DCDC1: variants seen among roughly 807,000 people sequenced by gnomAD.
DCDC1 encodes the protein doublecortin domain-containing protein 1.
A neutral mutation model predicts 178.3 loss-of-function variants in DCDC1; 200 were observed. That is an observed-to-expected ratio of 1.12 (90% CI 1.00 to 1.26). The LOEUF (loss-of-function observed/expected upper bound fraction) is 1.26. Among genes scored for constraint, DCDC1 ranks in the 50% most tolerant of loss-of-function variants. DCDC1 has a pLI of 0.00. For synonymous variants in DCDC1, 690 were observed against 604.8 expected, an observed-to-expected ratio of 1.14 and a Z score of -2.07; for missense variants, 1,983 against 1,749.2, an observed-to-expected ratio of 1.13 and a Z score of -2.38.
At chr11:30,877,871 G>A (rs1482252448) in intron 38 of DCDC1, among the ~76,000 whole-genome samples, 1 of 152,118 alleles carries the variant, frequency 6.6e-6, no homozygotes, top group East Asian at 1.9e-4. Context: ...CTAGTGGTCA[G>A]AGTCTTTTTG....
intron 9 of DCDC1, among the ~76,000 whole-genome samples, chr11:31,204,736 C>T (rs781227065): frequency 6.6e-6 from 1 of 152,246 alleles, no homozygotes; most frequent in Middle Eastern, 3.4e-3. Flanking sequence ...GCAGGAGAAT[C>T]GCTTGAACTC....
At chr11:31,094,474 C>T (rs1426824627) in intron 15 of DCDC1, among the ~76,000 whole-genome samples, 2 of 152,038 alleles carry the variant, frequency 1.3e-5, no homozygotes, top group Admixed American at 6.6e-5. Context: ...TCCCCACCTG[C>T]CTTTCATGTT....
intron 20 of DCDC1, among the ~76,000 whole-genome samples, chr11:31,054,868 G>C (rs1441610971): frequency 6.6e-6 from 1 of 152,094 alleles, no homozygotes; most frequent in Non-Finnish European, 1.5e-5. Flanking sequence ...TCTCAGATGT[G>C]AAATTATAAA....
chr11:31,168,313 A>T (rs1286396192), intron 9 of DCDC1, among the ~76,000 whole-genome samples: 3 of 152,060 alleles, frequency 2.0e-5, no homozygotes, highest in Admixed American at 2.0e-4. Flanking sequence ...AAAATTTCCT[A>T]CCTTTGACTC....
chr11:30,872,643 G>A (rs190151407), intron 38 of DCDC1, among the ~76,000 whole-genome samples: 4 of 152,060 alleles, frequency 2.6e-5, no homozygotes, highest in Admixed American at 6.6e-5. Context: ...CTGGTACTCC[G>A]TTCCCTACGA....
At chr11:31,203,630 G>A (rs1189271585) in intron 9 of DCDC1, among the ~76,000 whole-genome samples, 1 of 152,186 alleles carries the variant, frequency 6.6e-6, no homozygotes, top group Non-Finnish European at 1.5e-5. Flanking sequence ...GTATAATTCA[G>A]AAGTGTGGGA....
chr11:31,185,232 G>A (rs539707653), intron 9 of DCDC1, among the ~76,000 whole-genome samples: 1 of 152,254 alleles, frequency 6.6e-6, no homozygotes, highest in Admixed American at 6.5e-5. Flanking sequence ...ACACAGGGAG[G>A]AGAACATCAC....
At chr11:31,212,617 AT>A (rs937190594) in intron 9 of DCDC1, among the ~76,000 whole-genome samples, 1 of 152,060 alleles carries the variant, frequency 6.6e-6, no homozygotes, top group African/African-American at 2.4e-5. Flanking sequence ...TTCAAATGAG[AT>A]TTTTTTAAAT....
chr11:30,972,114 C>G (rs1590612449), intron 20 of DCDC1, among the ~76,000 whole-genome samples: 2 of 152,122 alleles, frequency 1.3e-5, no homozygotes, highest in East Asian at 1.9e-4. Context: ...TTTAGACATC[C>G]AAGTACAGGA....
intron 20 of DCDC1, among the ~76,000 whole-genome samples, chr11:30,988,199 T>C (rs968014153): frequency 3.9e-5 from 6 of 152,038 alleles, no homozygotes; most frequent in African/African-American, 7.2e-5. Context: ...AGAGCAAAAG[T>C]AGAAGCAGAA....
intron 6 of DCDC1, among the ~76,000 whole-genome samples, chr11:31,292,380 T>C (rs1385868223): frequency 1.3e-5 from 2 of 152,124 alleles, no homozygotes; most frequent in African/African-American, 4.8e-5. Flanking sequence ...AATAGATGAA[T>C]GGATAAACAA....
At chr11:31,204,767 A>T (rs1222796870) in intron 9 of DCDC1, among the ~76,000 whole-genome samples, 6 of 152,232 alleles carry the variant, frequency 3.9e-5, no homozygotes, top group African/African-American at 7.2e-5. Context: ...GGTTGCAGTG[A>T]GCCGAGATTG....
chr11:31,127,511 G>T lies in DCDC1; in HGVS notation c.1443C>A (p.Ser481Arg). ...CTGGGACAAGCGTGTTTGCTGGAAG[G>T]CTTTTAATGTGTTGGTAGACATAAG... ...FSSYVYQHIK[S>R]LPANTLVPGG... is the part of the protein sequence containing the mutation. Residue 481 changes from serine to arginine, a missense_variant, in exon 11 of 39, where the codon AGC becomes AGA. Transcript: ENST00000684477. The T allele has an allele frequency of 1.4e-6, 1 of 702,652 alleles. No homozygotes were observed. The highest frequency in any genetic ancestry group is 2.6e-6 in the Non-Finnish European group (1 of 384,774). 43.5% of individuals were successfully genotyped at this position (702,652 alleles called of 1,614,324 possible).
intron 17 of DCDC1, among the ~76,000 whole-genome samples, chr11:31,085,210 A>C (rs569065979): frequency 6.6e-6 from 1 of 151,368 alleles, no homozygotes; most frequent in Non-Finnish European, 1.5e-5. Context: ...AATAATTGAC[A>C]TACAGTATTG....
At chr11:31,176,031 C>A (rs1381443153) in intron 9 of DCDC1, among the ~76,000 whole-genome samples, 2 of 152,142 alleles carry the variant, frequency 1.3e-5, no homozygotes, top group Non-Finnish European at 2.9e-5. Context: ...AGAATGTAAT[C>A]AGTCTTCAAT....
chr11:31,337,411 G>T (rs1299339489), intron 1 of DCDC1, among the ~76,000 whole-genome samples: 2 of 152,226 alleles, frequency 1.3e-5, no homozygotes, highest in Non-Finnish European at 2.9e-5. Context: ...GCTCACGCCT[G>T]TAATCCCGAC....
chr11:30,978,779 AACACACACACACACAC>A (rs56058117), intron 20 of DCDC1, among the ~76,000 whole-genome samples: 5 of 119,028 alleles, frequency 4.2e-5, no homozygotes, highest in East Asian at 5.4e-4. Flanking sequence ...GTCCCCCCTC[AACACACACACACACAC>A]ACACACACAC....
At chr11:31,283,475 TG>T (rs1442013760) in intron 7 of DCDC1, among the ~76,000 whole-genome samples, 1 of 152,060 alleles carries the variant, frequency 6.6e-6, no homozygotes, top group Non-Finnish European at 1.5e-5. Flanking sequence ...ATTATATTCA[TG>T]TTTTTTTTTA....
chr11:31,201,931 A>G (rs1313103470), intron 9 of DCDC1, among the ~76,000 whole-genome samples: 1 of 152,216 alleles, frequency 6.6e-6, no homozygotes, highest in Non-Finnish European at 1.5e-5. Flanking sequence ...ATCTATTTTT[A>G]TACTTCTCAG....
Sources: gnomAD v4.1 joint callset for allele counts (sites outside exome capture counted in the v4.1 genomes callset) on GRCh38, gnomAD v4.1.1 for gene constraint, MANE v1.5 for transcripts, NCBI Gene and HGNC (gene_info 2026-07-23, HGNC 2026-07-21) for gene names.